Variants in POU6F2 observed in about 807,000 individuals in gnomAD.
The protein encoded by POU6F2 is POU class 6 homeobox 2.
Under a neutral mutation model 71.3 loss-of-function variants are expected in POU6F2, and 31 were observed. The observed-to-expected ratio is 0.43, with a 90% CI of 0.33 to 0.59. The LOEUF is 0.59. Ranked by LOEUF, POU6F2 falls within the 20% of genes least tolerant of loss-of-function variation. The probability of loss-of-function intolerance (pLI) is 0.04; values close to 1 mark genes in which losing one functional copy is unlikely to be tolerated. For missense variants in POU6F2, 783 were observed against 856.8 expected (o/e 0.91, Z 1.07); for synonymous variants, 347 against 355.7 (o/e 0.98, Z 0.27).
chr7:39,087,003 C>CAT (rs371573758), intron 2 of POU6F2, among the ~76,000 whole-genome samples: 8 of 148,594 alleles, frequency 5.4e-5, no homozygotes, highest in Non-Finnish European at 1.0e-4. Context: ...ACTAACCTGA[C>CAT]ATATATATAT....
intron 8 of POU6F2, among the ~76,000 whole-genome samples, chr7:39,453,521 A>T (rs1191315821): frequency 6.6e-6 from 1 of 152,218 alleles, no homozygotes. Flanking sequence ...ACAACCTCCT[A>T]CTAATACAGT....
rs1228493452 is a variant in POU6F2, at chr7:39,030,538, A to ATG, written c.105+52481_105+52482insGT. ...TATATATATATATATATATATATAT[A>ATG]TATATACACACACATACATATATTC... On this transcript the variant is annotated intron_variant, in intron 1 of 9. Transcript: ENST00000518318. Among the ~76,000 whole-genome samples the ATG allele has an allele frequency of 1.9e-3, 135 of 69,678 alleles. 8 individuals carry two copies. Among genetic ancestry groups the ATG allele is most frequent in the East Asian group, 7.7e-3 (5 of 650 alleles). The allele number at this position is 69,678 out of a possible 152,430, so 45.7% of individuals were successfully genotyped here.
chr7:39,278,132 CA>C, intron 4 of POU6F2, among the ~76,000 whole-genome samples: 1 of 140,892 alleles, frequency 7.1e-6, no homozygotes, highest in Admixed American at 7.0e-5. Flanking sequence ...AGGAAGGAAT[CA>C]AATGGTGGGG....
At chr7:39,443,308 G>A (rs531434534) in intron 7 of POU6F2, among the ~76,000 whole-genome samples, 7 of 152,238 alleles carry the variant, frequency 4.6e-5, no homozygotes, top group African/African-American at 1.7e-4. Context: ...CCCAAAGAGC[G>A]GGCTCCCTTC....
chr7:39,352,352 A>T (rs956650201), intron 5 of POU6F2, among the ~76,000 whole-genome samples: 4 of 152,196 alleles, frequency 2.6e-5, no homozygotes, highest in Non-Finnish European at 5.9e-5. Context: ...TCTTTCATGC[A>T]GCAATCACAG....
At chr7:39,334,652 C>T (rs1467834103) in intron 4 of POU6F2, among the ~76,000 whole-genome samples, 2 of 152,152 alleles carry the variant, frequency 1.3e-5, no homozygotes, top group Non-Finnish European at 2.9e-5. Flanking sequence ...CTAGGGATAC[C>T]CTTACTGGGG....
At chr7:39,182,681 T>G (rs1470598037) in intron 2 of POU6F2, among the ~76,000 whole-genome samples, 1 of 152,158 alleles carries the variant, frequency 6.6e-6, no homozygotes, top group East Asian at 1.9e-4. Flanking sequence ...TGGGCTCTTT[T>G]CTGCTGCAAT....
At chr7:39,423,665 A>C (rs530901792) in intron 6 of POU6F2, among the ~76,000 whole-genome samples, 1 of 152,250 alleles carries the variant, frequency 6.6e-6, no homozygotes. Context: ...CCAAGCTTAT[A>C]TACTTAAAGC....
intron 2 of POU6F2, among the ~76,000 whole-genome samples, chr7:39,195,632 G>A (rs1164704038): frequency 6.6e-6 from 1 of 151,346 alleles, no homozygotes; most frequent in Non-Finnish European, 1.5e-5. Flanking sequence ...ATCCATGTGG[G>A]GCCACTTGGT....
intron 4 of POU6F2, among the ~76,000 whole-genome samples, chr7:39,236,764 C>G (rs1794683622): frequency 6.6e-6 from 1 of 151,952 alleles, no homozygotes; most frequent in East Asian, 1.9e-4. Context: ...GGGAAACTAC[C>G]CAACTCACAG....
At chr7:39,452,376 A>T (rs557521500) in intron 8 of POU6F2, among the ~76,000 whole-genome samples, 7 of 152,244 alleles carry the variant, frequency 4.6e-5, no homozygotes, top group Non-Finnish European at 1.0e-4. Context: ...AAATAACAGC[A>T]TGTTAAGATG....
At chr7:39,451,061 CA>C (rs1788648755) in intron 7 of POU6F2, among the ~76,000 whole-genome samples, 1 of 152,188 alleles carries the variant, frequency 6.6e-6, no homozygotes, top group South Asian at 2.1e-4. Context: ...TTCCCACACA[CA>C]CTCAGCCTAC....
At chr7:39,461,594 C>G (rs539629970) in intron 9 of POU6F2, among the ~76,000 whole-genome samples, 105 of 152,246 alleles carry the variant, frequency 6.9e-4, no homozygotes, top group African/African-American at 2.2e-3. Context: ...TTTATCTGCT[C>G]TTTATACTTT....
chr7:39,146,307 G>T (rs1342336906), intron 2 of POU6F2, among the ~76,000 whole-genome samples: 1 of 152,148 alleles, frequency 6.6e-6, no homozygotes, highest in Non-Finnish European at 1.5e-5. Flanking sequence ...CACAGGACTT[G>T]ATGCTTTTGA....
At chr7:39,118,401 C>A (rs546592646) in intron 2 of POU6F2, among the ~76,000 whole-genome samples, 1 of 151,752 alleles carries the variant, frequency 6.6e-6, no homozygotes, top group Admixed American at 6.6e-5. Context: ...TATACAGCAA[C>A]ATAAAACTTG....
At chr7:39,015,346 TA>T (rs1328166667) in intron 1 of POU6F2, among the ~76,000 whole-genome samples, 8 of 134,270 alleles carry the variant, frequency 6.0e-5, no homozygotes, top group South Asian at 2.2e-4. Flanking sequence ...TAATATATAA[TA>T]ATAGATATAT....
At chr7:39,162,181 AG>A (rs1331203602) in intron 2 of POU6F2, among the ~76,000 whole-genome samples, 2 of 152,222 alleles carry the variant, frequency 1.3e-5, no homozygotes, top group African/African-American at 4.8e-5. Flanking sequence ...GGAGAGAAAA[AG>A]AAACTTGGGA....
intron 1 of POU6F2, among the ~76,000 whole-genome samples, chr7:39,069,474 G>A (rs528869956): frequency 6.6e-6 from 1 of 152,296 alleles, no homozygotes; most frequent in South Asian, 2.1e-4. Context: ...CCACTGGGAA[G>A]TGACAGATTT....
chr7:39,023,754 A>G (rs1254625582), intron 1 of POU6F2, among the ~76,000 whole-genome samples: 2 of 152,096 alleles, frequency 1.3e-5, no homozygotes, highest in Non-Finnish European at 2.9e-5. Context: ...ACACGTAACT[A>G]TGATACAGGT....
Sources: allele counts gnomAD v4.1 joint callset (sites outside exome capture counted in the v4.1 genomes callset), GRCh38; gene constraint gnomAD v4.1.1; transcripts MANE v1.5; gene names NCBI Gene and HGNC (gene_info 2026-07-23, HGNC 2026-07-21).